The following ARHGAP22 variants were observed in gnomAD, a reference collection of about 807,000 sequenced individuals.
The protein encoded by ARHGAP22 is Rho GTPase activating protein 22, also known as rho GTPase-activating protein 22.
A neutral mutation model predicts 59.1 loss-of-function variants in ARHGAP22; 48 were observed. The observed-to-expected ratio is 0.81, with a 90% CI of 0.64 to 1.03. The LOEUF (loss-of-function observed/expected upper bound fraction) is 1.03. Ranked by LOEUF, ARHGAP22 falls within the 50% of genes least tolerant of loss-of-function variation. The probability of loss-of-function intolerance (pLI) is 0.00; values close to 1 mark genes in which losing one functional copy is unlikely to be tolerated. For missense variants in ARHGAP22, 1,015 were observed against 958.7 expected, an observed-to-expected ratio of 1.06 and a Z score of -0.78; for synonymous variants, 445 against 416.4, an observed-to-expected ratio of 1.07 and a Z score of -0.84.
chr10:48,650,040 G>A (rs1239067539), intron 1 of ARHGAP22, among the ~76,000 whole-genome samples: 1 of 151,220 alleles, frequency 6.6e-6, no homozygotes, highest in Non-Finnish European at 1.5e-5. Context: ...GAGAGAGAGA[G>A]AGACCAGGAG....
intron 7 of ARHGAP22, 36 bp downstream of exon 7, chr10:48,454,052 C>T: frequency 6.3e-7 from 1 of 1,598,192 alleles, no homozygotes; most frequent in Non-Finnish European, 8.6e-7. Flanking sequence ...GGAGCCAGTG[C>T]AGGAAAGTGT....
downstream of ARHGAP22, among the ~76,000 whole-genome samples, chr10:48,443,561 AAGG>A: frequency 6.6e-6 from 1 of 152,232 alleles, no homozygotes; most frequent in South Asian, 2.1e-4. Context: ...AGGCAGGAGT[AAGG>A]AGACACAGCA....
Position 48,450,813 on chromosome 10 carries a change from G to T in ARHGAP22, c.1316C>A (p.Ser439Ter). The T allele has an allele frequency of 6.3e-7, 1 of 1,583,148 alleles. No individual in the cohort carries two copies. The highest frequency in any genetic ancestry group is 8.6e-7 in the Non-Finnish European group (1 of 1,165,334). Residue 439 changes from serine to a stop codon, truncating the protein, a stop_gained, in exon 9 of 10, where the codon TCG becomes TAG. Transcript: ENST00000249601. LOFTEE classifies it high-confidence loss of function. ...KSSFRQPRSLSGSPKGGGSSL... is the reference protein window; with the variant it reads ...KSSFRQPRSL ...TGAGCCGCCCCCCTTCGGGCTTCCC[G>T]ATAGGGACCTCGGCTGCCGGAAGGA...
downstream of ARHGAP22, chr10:48,445,221 T>G (rs2045297174): frequency 6.6e-6 from 1 of 152,268 alleles, no homozygotes; most frequent in South Asian, 2.1e-4. Context: ...ATGGAGCTCG[T>G]TGGGCCTGAG....
At chr10:48,599,533 T>C (rs1460811051) in intron 1 of ARHGAP22, among the ~76,000 whole-genome samples, 2 of 152,242 alleles carry the variant, frequency 1.3e-5, no homozygotes, top group African/African-American at 4.8e-5. Context: ...GCCAATCTTT[T>C]TTCCCAGAAA....
At chr10:48,608,189 C>T (rs1362798022), upstream of ARHGAP22, among the ~76,000 whole-genome samples, 1 of 152,208 alleles carries the variant, frequency 6.6e-6, no homozygotes, top group African/African-American at 2.4e-5. Context: ...AGATTCTTCT[C>T]AGGGAGAGGC....
At chr10:48,542,730 G>A (rs2056077276) in intron 3 of ARHGAP22, among the ~76,000 whole-genome samples, 1 of 152,222 alleles carries the variant, frequency 6.6e-6, no homozygotes, top group Admixed American at 6.5e-5. Flanking sequence ...CACAGGGTGG[G>A]TATCTTTGTG....
At chr10:48,545,674 G>C (rs1356162756) in intron 3 of ARHGAP22, among the ~76,000 whole-genome samples, 1 of 152,212 alleles carries the variant, frequency 6.6e-6, no homozygotes, top group African/African-American at 2.4e-5. Context: ...CCTCTGCGGA[G>C]TAATCTGTGC....
At chr10:48,584,963 C>T (rs1035168446) in intron 1 of ARHGAP22, among the ~76,000 whole-genome samples, 1 of 148,504 alleles carries the variant, frequency 6.7e-6, no homozygotes, top group Non-Finnish European at 1.5e-5. Context: ...CACTGCACTC[C>T]AGCCTGGGCA....
At chr10:48,590,668 C>T (rs988147069) in intron 1 of ARHGAP22, among the ~76,000 whole-genome samples, 8 of 152,212 alleles carry the variant, frequency 5.3e-5, no homozygotes, top group Non-Finnish European at 1.0e-4. Context: ...CGCGCTGTGC[C>T]GGGCCATCTG....
intron 3 of ARHGAP22, among the ~76,000 whole-genome samples, chr10:48,505,909 G>A (rs1051978965): frequency 7.2e-5 from 11 of 152,322 alleles, no homozygotes; most frequent in South Asian, 4.1e-4. Flanking sequence ...GTGTTCTACC[G>A]GCCCAATACT....
At chr10:48,632,314 A>T (rs527991447) in intron 1 of ARHGAP22, among the ~76,000 whole-genome samples, 5 of 152,200 alleles carry the variant, frequency 3.3e-5, no homozygotes, top group Non-Finnish European at 7.3e-5. Context: ...CCTTTCTATT[A>T]GCCTTCACTT....
At chr10:48,636,922 T>C (rs2061842472) in intron 1 of ARHGAP22, among the ~76,000 whole-genome samples, 1 of 152,086 alleles carries the variant, frequency 6.6e-6, no homozygotes, top group Non-Finnish European at 1.5e-5. Context: ...GAATAGTACA[T>C]TGGGGTGGGC....
intron 1 of ARHGAP22, among the ~76,000 whole-genome samples, chr10:48,641,514 C>T (rs57328430): frequency 0.05 from 7,566 of 152,150 alleles, 550 homozygotes; most frequent in African/African-American, 0.17. Context: ...TCTCAATAGA[C>T]GCAGAAAAGG....
chr10:48,521,716 T>C (rs1032812637), intron 3 of ARHGAP22, among the ~76,000 whole-genome samples: 1 of 152,224 alleles, frequency 6.6e-6, no homozygotes, highest in Non-Finnish European at 1.5e-5. Context: ...ACAGACATAC[T>C]GTGTTACTGC....
intron 3 of ARHGAP22, among the ~76,000 whole-genome samples, chr10:48,486,913 C>T (rs1181570380): frequency 6.6e-6 from 1 of 152,192 alleles, no homozygotes; most frequent in African/African-American, 2.4e-5. Flanking sequence ...TAAGATGTTG[C>T]TCTACTTGCA....
At chr10:48,470,400 G>A (rs1258137921) in intron 4 of ARHGAP22, among the ~76,000 whole-genome samples, 1 of 152,246 alleles carries the variant, frequency 6.6e-6, no homozygotes, top group African/African-American at 2.4e-5. Flanking sequence ...CCCATCAGCA[G>A]GGGTGGGGGA....
At chr10:48,641,774 G>A (rs1165043261) in intron 1 of ARHGAP22, among the ~76,000 whole-genome samples, 1 of 152,152 alleles carries the variant, frequency 6.6e-6, no homozygotes, top group African/African-American at 2.4e-5. Context: ...GAAATAAAAG[G>A]TATTCAATTA....
chr10:48,442,675 C>T (rs571838670), downstream of ARHGAP22, among the ~76,000 whole-genome samples: 2 of 152,178 alleles, frequency 1.3e-5, no homozygotes, highest in South Asian at 4.1e-4. Flanking sequence ...TCCTCAGTCC[C>T]TTGTCTCCTT....
Sources: gnomAD v4.1 joint callset for allele counts (sites outside exome capture counted in the v4.1 genomes callset) on GRCh38, gnomAD v4.1.1 for gene constraint, MANE v1.5 for transcripts, NCBI Gene and HGNC (gene_info 2026-07-23, HGNC 2026-07-21) for gene names.